MICA: variants seen among roughly 807,000 people sequenced by gnomAD.
MICA encodes the protein MHC class I polypeptide-related sequence A, also known as HLA class I antigen.
MICA carries 18 observed loss-of-function variants against 34.3 expected under a neutral mutation model. The observed-to-expected ratio is 0.52, with a 90% CI of 0.36 to 0.78. MICA has a LOEUF of 0.78. Ranked by LOEUF, MICA falls within the 30% of genes least tolerant of loss-of-function variation. MICA has a pLI of 0.00. For missense variants in MICA, 333 were observed against 409.4 expected (o/e 0.81, Z 1.61); for synonymous variants, 135 against 156.9 (o/e 0.86, Z 1.04).
intron 5 of MICA, among the ~76,000 whole-genome samples, chr6:31,413,138 C>T (rs1472738652): frequency 6.6e-5 from 10 of 151,908 alleles, no homozygotes; most frequent in Admixed American, 6.6e-5. Context: ...CTGCACCATT[C>T]GAGGCCCTAC....
At chr6:31,403,368 T>TG (rs1770550121), upstream of MICA, among the ~76,000 whole-genome samples, 1 of 151,916 alleles carries the variant, frequency 6.6e-6, no homozygotes, top group Non-Finnish European at 1.5e-5. The surrounding 1 kb of genome is among the most constrained non-coding windows in gnomAD (Gnocchi z 4.7). Flanking sequence ...TACTCGAAGC[T>TG]GGTCCCTGCT....
rs768389816 is a variant in MICA at position 31,403,705 on chromosome 6, G to T, written c.70+3G>T. 9 of 1,530,296 alleles carry T rather than the reference G, an allele frequency of 5.9e-6. No homozygotes were observed. The highest frequency in any genetic ancestry group is 7.0e-6 in the Non-Finnish European group (8 of 1,140,124). 94.8% of individuals were successfully genotyped at this position (1,530,296 alleles called of 1,614,324 possible). On this transcript the variant is annotated splice_donor_region_variant and intron_variant, in intron 1 of 5. Transcript: ENST00000449934. The surrounding 1 kb of genome is among the most constrained non-coding windows in gnomAD (Gnocchi z 4.7). ...TGCACCTCCGGGAGCTGCTGCTGGT[G>T]AGTGGCGTTCCTGGCGGTCCTCGGC...
chr6:31,406,119 C>T (rs1770734124), intron 1 of MICA, among the ~76,000 whole-genome samples: 1 of 151,854 alleles, frequency 6.6e-6, no homozygotes, highest in Non-Finnish European at 1.5e-5. Flanking sequence ...TTGGAAGAAC[C>T]TCCACATTGT....
intron 1 of MICA, among the ~76,000 whole-genome samples, chr6:31,405,394 C>A (rs1770696628): frequency 6.6e-6 from 1 of 151,076 alleles, no homozygotes; most frequent in African/African-American, 2.4e-5. Flanking sequence ...CCAGCACCCC[C>A]ACCCCTTGCT....
chr6:31,400,829 G>A (rs1218080231), upstream of MICA: 2 of 151,634 alleles, frequency 1.3e-5, no homozygotes, highest in Non-Finnish European at 2.9e-5. Flanking sequence ...AGAGCAGACG[G>A]GGTTGGAGGT....
upstream of MICA, chr6:31,402,142 C>A (rs1242640770): frequency 6.6e-6 from 1 of 151,186 alleles, no homozygotes; most frequent in Non-Finnish European, 1.5e-5. Flanking sequence ...TTTTTCTTTT[C>A]TTTTTATTTT....
chr6:31,411,094 T>G lies in MICA; in HGVS notation c.348T>G (p.Ile116Met), dbSNP rs770954179. 100 of 1,602,828 alleles carry G rather than the reference T, an allele frequency of 6.2e-5. No homozygotes were observed. Among genetic ancestry groups the G allele is most frequent in the Non-Finnish European group, 8.3e-5 (98 of 1,175,640 alleles). The change falls in exon 3 of 6, where the codon ATT becomes ATG. Residue 116 changes from isoleucine (I) to methionine (M), a missense_variant. Transcript: ENST00000449934. This position sits in a 1 kb window ranked among gnomAD's most constrained non-coding sequence, Gnocchi z 4.3. Reference protein sequence around the residue: ...QKEGLHSLQEIRVCEIHEDNS... With the variant: ...QKEGLHSLQEMRVCEIHEDNS... ...CAGGCTTGCATTCCCTCCAGGAGATTAGGGTCTGTGAGATCCATGAAGACA... is the reference window on the plus strand; with the variant it reads ...CAGGCTTGCATTCCCTCCAGGAGATGAGGGTCTGTGAGATCCATGAAGACA...
chr6:31,412,518 C>T lies in MICA; in HGVS notation c.*29+58C>T. The T allele has an allele frequency of 1.9e-6, 2 of 1,067,202 alleles. 1 individual carries two copies. The highest frequency in any genetic ancestry group is 5.1e-5 in the East Asian group (2 of 39,054). The allele number at this position is 1,067,202 out of a possible 1,614,324, so 66.1% of individuals were successfully genotyped here. On this transcript the variant is annotated intron_variant, in intron 5 of 5. Transcript: ENST00000449934. ...AGGCCCCTGTCTGGGCAGTAGGGTC[C>T]CCTCATTGCTCCTGCAAAGATAGGC...
upstream of MICA, among the ~76,000 whole-genome samples, chr6:31,401,856 G>A (rs1770448311): frequency 6.6e-6 from 1 of 151,802 alleles, no homozygotes. Flanking sequence ...TGGGAACATG[G>A]ATATTAAAAA....
chr6:31,414,808 C>G (rs3749950), intron 5 of MICA, among the ~76,000 whole-genome samples: 52,635 of 151,316 alleles, frequency 0.35, 9,740 homozygotes, highest in African/African-American at 0.43. Context: ...GCACAGGGCA[C>G]GGGCTGATGT....
At chr6:31,404,814 G>T (rs1233526123) in intron 1 of MICA, among the ~76,000 whole-genome samples, 1 of 150,998 alleles carries the variant, frequency 6.6e-6, no homozygotes, top group Non-Finnish European at 1.5e-5. Context: ...CCTCATGGTG[G>T]CCCCTTCCCC....
At chr6:31,409,322 T>TG (rs202233872) in intron 1 of MICA, among the ~76,000 whole-genome samples, 1 of 151,546 alleles carries the variant, frequency 6.6e-6, no homozygotes, top group Non-Finnish European at 1.5e-5. Flanking sequence ...TGTGTGTGTG[T>TG]ATGTGTGTGT....
rs1457758578 is a variant in MICA, at chr6:31,403,787, C to A, written c.70+85C>A. 1 of 1,302,672 alleles carries A rather than the reference C, an allele frequency of 7.7e-7. No individual in the cohort carries two copies. Among genetic ancestry groups the A allele is most frequent in the Non-Finnish European group, 1.0e-6 (1 of 958,922 alleles). 80.7% of individuals were successfully genotyped at this position (1,302,672 alleles called of 1,614,324 possible). ...CGGGTGGGTAGCGGCGAGCGCTGTG[C>A]GGTCAGGGCGGGGCTCCTGTGCCCT... On this transcript the variant is annotated intron_variant, in intron 1 of 5. Transcript: ENST00000449934. This position sits in a 1 kb window ranked among gnomAD's most constrained non-coding sequence, Gnocchi z 4.7.
intron 5 of MICA, among the ~76,000 whole-genome samples, chr6:31,413,488 GA>G (rs766795342): frequency 1.1e-3 from 164 of 152,062 alleles, no homozygotes; most frequent in South Asian, 1.9e-3. Flanking sequence ...TTTGATGGGG[GA>G]TGAAAAGAGA....
intron 4 of MICA, 32 bp downstream of exon 4, chr6:31,412,257 G>A (rs112243036): frequency 0.11 from 170,483 of 1,605,314 alleles, 9,744 homozygotes; most frequent in Non-Finnish European, 0.11. Context: ...AGAGGGTCAG[G>A]CCAGGGTAGG....
rs1194328214 is a variant in MICA, at chr6:31,415,195, T to TC, written c.*216dup. ...CCCTGCCTGGATCTCACAAGCACTT[T>TC]CCCTCTTGGTGCCTCAGTTTCCTGA... On this transcript the variant is annotated 3_prime_UTR_variant, in exon 6 of 6. Transcript: ENST00000449934. The TC allele has an allele frequency of 2.7e-6, 2 of 748,026 alleles. No homozygotes were observed. The highest frequency in any genetic ancestry group is 3.5e-5 in the African/African-American group (2 of 56,360). 46.3% of individuals were successfully genotyped at this position (748,026 alleles called of 1,614,324 possible).
At chr6:31,412,530 C>T in intron 5 of MICA, 70 bp downstream of exon 5, 1 of 969,072 alleles carries the variant, frequency 1.0e-6, no homozygotes, top group Non-Finnish European at 1.5e-6. Flanking sequence ...CTCATTGCTC[C>T]TGCAAAGATA....
rs866932143 is a variant in MICA at position 31,404,342 on chromosome 6, A to G, written c.70+640A>G. On this transcript the variant is annotated intron_variant, in intron 1 of 5. Coordinates refer to ENST00000449934, the MANE Select transcript of MICA (RefSeq NM_001177519.3). Reference sequence around the variant, plus strand: ...CATTCTCCCCTCGCCTCTGGCTCCGAGGGTCCTCTCCTCTCTCTCATCCCA... The same window carrying G: ...CATTCTCCCCTCGCCTCTGGCTCCGGGGGTCCTCTCCTCTCTCTCATCCCA... Among the ~76,000 whole-genome samples, 485 of 151,358 alleles carry G rather than the reference A, an allele frequency of 3.2e-3. 14 individuals carry two copies. The East Asian group carries it at 0.05, about 16-fold the overall frequency.
chr6:31,402,960 G>C (rs1770521038), upstream of MICA, among the ~76,000 whole-genome samples: 1 of 151,720 alleles, frequency 6.6e-6, no homozygotes, highest in African/African-American at 2.4e-5. Flanking sequence ...AGGATATAAG[G>C]GGGTGAAAGG....
Sources: gnomAD v4.1 joint callset for allele counts (sites outside exome capture counted in the v4.1 genomes callset) on GRCh38, gnomAD v4.1.1 for gene constraint, Gnocchi (gnomAD v3.1) non-coding constraint, MANE v1.5 for transcripts, NCBI Gene and HGNC (gene_info 2026-07-23, HGNC 2026-07-21) for gene names.